The following HYKK variants were observed in gnomAD, a reference collection of about 807,000 sequenced individuals.
HYKK encodes 5-hydroxy-L-lysine kinase.
A neutral mutation model predicts 29.7 loss-of-function variants in HYKK; 19 were observed. The observed-to-expected ratio is 0.64, with a 90% CI of 0.45 to 0.94. HYKK has a LOEUF of 0.94. Ranked by LOEUF, HYKK falls within the 40% of genes least tolerant of loss-of-function variation. The pLI, the probability that HYKK is intolerant of heterozygous loss-of-function variation, is 0.00. For synonymous variants in HYKK, 152 were observed against 158.1 expected, an observed-to-expected ratio of 0.96 and a Z score of 0.29; for missense variants, 390 against 443.4, an observed-to-expected ratio of 0.88 and a Z score of 1.08.
chr15:78,508,321 T>TATA (rs1290002790), intron 1 of HYKK, among the ~76,000 whole-genome samples: 2 of 152,062 alleles, frequency 1.3e-5, no homozygotes, highest in Non-Finnish European at 2.9e-5. Context: ...ATTGACTGGG[T>TATA]ATAATCCCTT....
intron 3 of HYKK, among the ~76,000 whole-genome samples, chr15:78,525,516 G>A (rs1334579141): frequency 6.8e-6 from 1 of 147,918 alleles, no homozygotes; most frequent in Non-Finnish European, 1.5e-5. Context: ...TATATTTTTT[G>A]AGACAGAGTC....
At chr15:78,510,358 T>TTTATTA (rs2141552503) in intron 1 of HYKK, among the ~76,000 whole-genome samples, 1 of 151,686 alleles carries the variant, frequency 6.6e-6, no homozygotes, top group African/African-American at 2.4e-5. Flanking sequence ...TAATTTTTTT[T>TTTATTA]TTATTTTTAT....
chr15:78,528,858 A>C (rs1168900566), intron 4 of HYKK: 4 of 983,756 alleles, frequency 4.1e-6, no homozygotes, highest in South Asian at 4.7e-5. Flanking sequence ...TAAGATAGGC[A>C]GTATGTGTTT....
rs147426239 is a variant in HYKK, at chr15:78,515,397, A to G, written c.477+290A>G. Among the ~76,000 whole-genome samples the G allele has an allele frequency of 8.6e-3, 1,308 of 152,210 alleles. 20 individuals carry two copies. Among genetic ancestry groups the G allele is most frequent in the African/African-American group, 0.03 (1,246 of 41,542 alleles). On this transcript the variant is annotated intron_variant, in intron 3 of 4. Transcript: ENST00000388988. ...CCAGGAATTTGAGACCAGCCTGGCCAACATAGTGAAACCCCATCTCTTCTA... is the reference window on the plus strand; with the variant it reads ...CCAGGAATTTGAGACCAGCCTGGCCGACATAGTGAAACCCCATCTCTTCTA...
chr15:78,524,393 G>A (rs1360011642), intron 3 of HYKK, among the ~76,000 whole-genome samples: 1 of 152,206 alleles, frequency 6.6e-6, no homozygotes, highest in East Asian at 1.9e-4. Context: ...ACTGGGACGT[G>A]GGGAGCAATA....
Position 78,533,237 on chromosome 15 carries a change from A to G in HYKK, c.689A>G (p.His230Arg). ...ATCAATCACGGAGATCTTAATGACC[A>G]TAATATTTTAATAGAGTCCAGCAAG... Reference protein sequence around the residue: ...ECINHGDLNDHNILIESSKSA... With the variant: ...ECINHGDLNDRNILIESSKSA... The change falls in exon 5 of 5, where the codon CAT becomes CGT. Residue 230 changes from histidine (H) to arginine (R), a missense_variant. Physicochemically the swap from His to Arg is conservative, Grantham distance 29. Coordinates refer to ENST00000388988, the MANE Select transcript of HYKK (RefSeq NM_001013619.4). 2 of 1,610,694 alleles carry G rather than the reference A, an allele frequency of 1.2e-6. No homozygotes were observed. The highest frequency in any genetic ancestry group is 1.1e-5 in the South Asian group (1 of 90,778).
intron 4 of HYKK, among the ~76,000 whole-genome samples, chr15:78,532,234 C>A (rs2052319246): frequency 1.3e-5 from 2 of 152,172 alleles, no homozygotes; most frequent in South Asian, 4.1e-4. Flanking sequence ...TGCAACTAAC[C>A]ATGGGAGTTT....
intron 4 of HYKK, among the ~76,000 whole-genome samples, chr15:78,529,540 A>G (rs1181579141): frequency 6.6e-6 from 1 of 152,212 alleles, no homozygotes; most frequent in East Asian, 1.9e-4. Context: ...TCATTGTTCT[A>G]CACCCTTGGT....
At chr15:78,511,553 G>C (rs1397691278) in intron 1 of HYKK, among the ~76,000 whole-genome samples, 1 of 151,744 alleles carries the variant, frequency 6.6e-6, no homozygotes, top group East Asian at 1.9e-4. Context: ...CATGGTGAAA[G>C]CCTGTCTCTG....
intron 4 of HYKK, among the ~76,000 whole-genome samples, chr15:78,532,230 TA>T (rs1338002131): frequency 6.6e-6 from 1 of 152,196 alleles, no homozygotes; most frequent in African/African-American, 2.4e-5. Flanking sequence ...CACATGCAAC[TA>T]ACCATGGGAG....
intron 1 of HYKK, among the ~76,000 whole-genome samples, chr15:78,507,992 A>G (rs114035031): frequency 0.016 from 2,503 of 152,156 alleles, 87 homozygotes; most frequent in African/African-American, 0.057. Context: ...GCCGGTGTCT[A>G]CTGGGAGCAG....
chr15:78,515,787 A>G (rs1008477408), intron 3 of HYKK, among the ~76,000 whole-genome samples: 4 of 151,956 alleles, frequency 2.6e-5, no homozygotes, highest in Non-Finnish European at 5.9e-5. Context: ...ACGAGGTTTC[A>G]CTGTGTTAGC....
intron 3 of HYKK, among the ~76,000 whole-genome samples, chr15:78,515,594 T>C (rs2052123981): frequency 6.6e-6 from 1 of 151,528 alleles, no homozygotes; most frequent in Admixed American, 6.6e-5. Context: ...GAAATTTTTT[T>C]TTTTTTTTTT....
At position 78,513,325 on chromosome 15, in the gene HYKK, A is replaced by C; in HGVS notation, c.237A>C (p.Glu79Asp). The change falls in exon 2 of 5, where the codon GAA becomes GAC. Residue 79 changes from glutamate (E) to aspartate (D), a missense_variant. By Grantham distance (45) the Glu-to-Asp change is conservative. Transcript: ENST00000388988. The stretch of plus-strand genomic sequence containing the variant: ...CTAGCAAAAATCCAGACCTGATTGA[A>C]GTGCAGAATCACATCATCATGTTTC... ...TKASKNPDLI[E>D]VQNHIIMFLK... The C allele has an allele frequency of 6.2e-7, 1 of 1,614,212 alleles. No individual in the cohort carries two copies.
intron 4 of HYKK, among the ~76,000 whole-genome samples, chr15:78,529,157 C>T (rs2052287583): frequency 6.6e-6 from 1 of 152,204 alleles, no homozygotes; most frequent in African/African-American, 2.4e-5. Context: ...TCCTACTCTG[C>T]CTCTCTACCA....
intron 4 of HYKK, among the ~76,000 whole-genome samples, chr15:78,530,795 A>G (rs921612225): frequency 8.6e-5 from 13 of 152,032 alleles, no homozygotes; most frequent in African/African-American, 2.4e-4. Context: ...CTCCCACATC[A>G]GCCTCTGAAA....
rs760129405 is a variant in HYKK at position 78,533,519 on chromosome 15, G to A, written c.971G>A (p.Cys324Tyr). The A allele has an allele frequency of 6.3e-7, 1 of 1,576,688 alleles. No individual in the cohort carries two copies. The highest frequency in any genetic ancestry group is 8.7e-7 in the Non-Finnish European group (1 of 1,155,456). Residue 324 changes from cysteine to tyrosine, a missense_variant, in exon 5 of 5, where the codon TGC (cysteine) becomes TAC (tyrosine). Coordinates refer to ENST00000388988, the MANE Select transcript of HYKK (RefSeq NM_001013619.4). ...TCACTTGTCATGGCTGCATACTCTTGCCAGCTATACCCAGAGAACAAAGAC... is the reference window on the plus strand; with the variant it reads ...TCACTTGTCATGGCTGCATACTCTTACCAGCTATACCCAGAGAACAAAGAC... ...CQSLVMAAYS[C>Y]QLYPENKDYL... is the part of the protein sequence containing the mutation.
In HYKK at chr15:78,513,266, A is replaced by G. The variant is rs886726188; in HGVS notation, c.178A>G (p.Thr60Ala). Residue 60 changes from threonine (T) to alanine (A), a missense_variant, in exon 2 of 5, where the codon ACT becomes GCT. Physicochemically the swap from Thr to Ala is moderately conservative, Grantham distance 58. Transcript: ENST00000388988. ...VYVSKTKDGPTEYVLKISNTK... is the reference protein window; with the variant it reads ...VYVSKTKDGPAEYVLKISNTK... ...CGTTTCAAAAACCAAAGATGGCCCA[A>G]CTGAATATGTCCTCAAAATAAGCAA... 3 of 1,614,118 alleles carry G rather than the reference A, an allele frequency of 1.9e-6. No homozygotes were observed. The highest frequency in any genetic ancestry group is 1.3e-5 in the African/African-American group (1 of 74,932).
intron 4 of HYKK, chr15:78,528,859 G>GT: frequency 2.0e-6 from 2 of 983,598 alleles, no homozygotes; most frequent in Non-Finnish European, 2.4e-6. Flanking sequence ...AAGATAGGCA[G>GT]TATGTGTTTC....
Sources: gnomAD v4.1 joint callset for allele counts (sites outside exome capture counted in the v4.1 genomes callset) on GRCh38, gnomAD v4.1.1 for gene constraint, MANE v1.5 for transcripts, NCBI Gene and HGNC (gene_info 2026-07-23, HGNC 2026-07-21) for gene names.